NRXN2: variants seen among roughly 807,000 people sequenced by gnomAD.
The protein encoded by NRXN2 is neurexin 2.
A neutral mutation model predicts 128.8 loss-of-function variants in NRXN2; 29 were observed. The observed-to-expected ratio is 0.23, with a 90% CI of 0.17 to 0.31. The LOEUF (loss-of-function observed/expected upper bound fraction) is 0.31, where lower values mean the gene tolerates loss of function less well. NRXN2 is among the 10% of genes least tolerant of loss of function. NRXN2 has a pLI of 1.00. For missense variants in NRXN2, 1,881 were observed against 2,452.6 expected (o/e 0.77, Z 4.92); for synonymous variants, 1,098 against 1,075.2 (o/e 1.02, Z -0.41).
Position 64,686,098 on chromosome 11 carries a change from C to T in NRXN2, c.851-151G>A, listed in dbSNP as rs533270000. On this transcript the variant is annotated intron_variant, in intron 5 of 22. Coordinates refer to ENST00000265459, the MANE Select transcript of NRXN2 (RefSeq NM_015080.4). ...TAGCTTTAGGCCCCTTTCCCTCCCT[C>T]GGCCTGTCAACCATCCTCTCAGGAC... 1.1e-5 allele frequency: 9 copies of T among 797,424 alleles called. No individual in the cohort carries two copies. In the East Asian group the frequency reaches 2.4e-4, roughly 21 times the overall value. The allele number at this position is 797,424 out of a possible 1,614,324, so 49.4% of individuals were successfully genotyped here.
intron 19 of NRXN2, among the ~76,000 whole-genome samples, chr11:64,626,756 G>T (rs888566565): frequency 1.3e-5 from 2 of 152,158 alleles, no homozygotes; most frequent in African/African-American, 4.8e-5. Flanking sequence ...CACCCTGGGG[G>T]CAGGAGCAAC....
At chr11:64,655,115 C>T (rs2048062211) in intron 11 of NRXN2, among the ~76,000 whole-genome samples, 1 of 152,220 alleles carries the variant, frequency 6.6e-6, no homozygotes, top group African/African-American at 2.4e-5. Flanking sequence ...CAGCTGCATC[C>T]CCTGGGCCCC....
chr11:64,711,258 C>T (rs1277572917), intron 2 of NRXN2, among the ~76,000 whole-genome samples: 1 of 152,234 alleles, frequency 6.6e-6, no homozygotes, highest in Non-Finnish European at 1.5e-5. Context: ...TCAAAAGCCT[C>T]TGACTCTGGG....
chr11:64,641,891 A>G (rs898495505), intron 17 of NRXN2, among the ~76,000 whole-genome samples: 7 of 152,036 alleles, frequency 4.6e-5, no homozygotes, highest in African/African-American at 1.5e-4. Flanking sequence ...TAGGGGAACA[A>G]GGATGGGAGA....
rs1406485414 is a variant in NRXN2 at position 64,714,826 on chromosome 11, T to C, written c.-244-883A>G. Among the ~76,000 whole-genome samples, 1 of 152,014 alleles carries C rather than the reference T, an allele frequency of 6.6e-6. No individual in the cohort carries two copies. Among genetic ancestry groups the C allele is most frequent in the Non-Finnish European group, 1.5e-5 (1 of 68,000 alleles). On this transcript the variant is annotated intron_variant, in intron 1 of 22. Coordinates refer to ENST00000265459, the MANE Select transcript of NRXN2 (RefSeq NM_015080.4). The surrounding 1 kb of genome is among the most constrained non-coding windows in gnomAD (Gnocchi z 4.5). The stretch of plus-strand genomic sequence containing the variant: ...ATTGCCTTTCTGAAATGATTACCCT[T>C]GTAACGGGCTGTCAGAGAGCAATTT...
chr11:64,713,809 C>T lies in NRXN2; in HGVS notation c.-110G>A, dbSNP rs2057184594. On this transcript the variant is annotated 5_prime_UTR_variant, in exon 2 of 23. Coordinates refer to ENST00000265459, the MANE Select transcript of NRXN2 (RefSeq NM_015080.4). ...GCGCTCCCCGCGCTGAGCGGGGCTC[C>T]CTTGCAGGCTCACAGTGCCATGGGC... 1 of 592,472 alleles carries T rather than the reference C, an allele frequency of 1.7e-6. No individual in the cohort carries two copies. Among genetic ancestry groups the T allele is most frequent in the Non-Finnish European group, 2.1e-6 (1 of 467,118 alleles). 36.7% of individuals were successfully genotyped at this position (592,472 alleles called of 1,614,324 possible).
At chr11:64,702,773 C>T (rs1242443003) in intron 2 of NRXN2, among the ~76,000 whole-genome samples, 57 of 133,798 alleles carry the variant, frequency 4.3e-4, no homozygotes, top group Middle Eastern at 8.1e-3. Flanking sequence ...TCCCCCTCTG[C>T]GAGAAACACC....
chr11:64,704,623 C>CACACAGAGGGAGAGAGAG (rs1336665936), intron 2 of NRXN2, among the ~76,000 whole-genome samples: 1 of 81,178 alleles, frequency 1.2e-5, no homozygotes, highest in African/African-American at 4.7e-5. Flanking sequence ...CACACACACA[C>CACACAGAGGGAGAGAGAG]AGAGAGAGAG....
At chr11:64,674,504 G>T (rs1460387966) in intron 7 of NRXN2, among the ~76,000 whole-genome samples, 2 of 152,058 alleles carry the variant, frequency 1.3e-5, no homozygotes, top group African/African-American at 4.8e-5. Context: ...TTCTTAACCA[G>T]CTTAACCACC....
At chr11:64,643,410 G>T in intron 17 of NRXN2, 1 of 250,720 alleles carries the variant, frequency 4.0e-6, no homozygotes, top group Non-Finnish European at 6.0e-6. Context: ...GGTGAGGGGG[G>T]AATGAAGGGA....
intron 8 of NRXN2, 150 bp downstream of exon 8, chr11:64,668,293 G>A (rs896283498): frequency 1.1e-6 from 1 of 949,376 alleles, no homozygotes; most frequent in African/African-American, 1.6e-5. Context: ...GGAGTCAGTG[G>A]GCCTTAGGTT....
chr11:64,662,552 C>T (rs1028446833), intron 9 of NRXN2, among the ~76,000 whole-genome samples: 3 of 152,108 alleles, frequency 2.0e-5, no homozygotes, highest in East Asian at 1.9e-4. Flanking sequence ...GAGGCCGAGG[C>T]GGGTGGATCA....
chr11:64,660,292 G>C lies in NRXN2; in HGVS notation c.2389+40C>G, dbSNP rs752608322. 3 of 1,601,576 alleles carry C rather than the reference G, an allele frequency of 1.9e-6. No individual in the cohort carries two copies. In the South Asian group the frequency reaches 3.3e-5, roughly 18 times the overall value. ...GAGGCAGGTGTGGGTCAGAGACAAG[G>C]CCAGGTGAGGGGTCAGGAAGCACAG... On this transcript the variant is annotated intron_variant, in intron 11 of 22. Transcript: ENST00000265459. The surrounding 1 kb of genome is among the most constrained non-coding windows in gnomAD (Gnocchi z 5.2).
rs767767406 is a variant in NRXN2, at chr11:64,667,627, G to A, written c.1421C>T (p.Pro474Leu). ...ELSRLAKEGD[P>L]KMKLQGDLSF... ...CAAGTCCCCCTGCAGCTTCATCTTG[G>A]GGTCCCCTTCCTTTGCCAGGCGGGA... is the stretch of plus-strand genomic sequence containing the variant. Residue 474 changes from proline (P) to leucine (L), a missense_variant, in exon 9 of 23, where the codon CCC (proline) becomes CTC (leucine). By Grantham distance (98) the Pro-to-Leu change is moderately conservative (BLOSUM62 -3). This residue lies in a region of NRXN2 where 997 missense variants were observed against 1,240.8 expected (regional missense o/e 0.80). Coordinates refer to ENST00000265459, the MANE Select transcript of NRXN2 (RefSeq NM_015080.4). This position sits in a 1 kb window ranked among gnomAD's most constrained non-coding sequence, Gnocchi z 5.6. 33 of 1,614,084 alleles carry A rather than the reference G, an allele frequency of 2.0e-5. No individual in the cohort carries two copies. The highest frequency in any genetic ancestry group is 1.7e-6 in the Non-Finnish European group (2 of 1,180,036).
chr11:64,621,988 G>C (rs1334616036), intron 21 of NRXN2, among the ~76,000 whole-genome samples: 5 of 152,016 alleles, frequency 3.3e-5, no homozygotes, highest in African/African-American at 1.2e-4. Context: ...GTGCTTCAAG[G>C]CCCCTCCTCC....
intron 22 of NRXN2, 33 bp downstream of exon 22, chr11:64,620,261 A>C (rs2135317097): frequency 6.6e-7 from 1 of 1,504,796 alleles, no homozygotes; most frequent in African/African-American, 1.4e-5. Flanking sequence ...TCGCAGAGGG[A>C]CCCGGGGCAG....
At chr11:64,678,214 A>G (rs539551447) in intron 6 of NRXN2, among the ~76,000 whole-genome samples, 208 of 152,132 alleles carry the variant, frequency 1.4e-3, no homozygotes, top group African/African-American at 4.9e-3. Flanking sequence ...CTCACACATT[A>G]TATCAAATTA....
At position 64,714,255 on chromosome 11, in the gene NRXN2, C is replaced by T. The variant is rs563461159; in HGVS notation, c.-244-312G>A. On this transcript the variant is annotated intron_variant, in intron 1 of 22. Transcript: ENST00000265459. The surrounding 1 kb of genome is among the most constrained non-coding windows in gnomAD (Gnocchi z 4.5). ...TCACCCTCTCAAAGGACCCCAGTGT[C>T]AGGAAGGACCAAGGCCAGCTCCTTG... Among the ~76,000 whole-genome samples the T allele has an allele frequency of 1.3e-5, 2 of 152,184 alleles. No individual in the cohort carries two copies. The highest frequency in any genetic ancestry group is 1.9e-4 in the East Asian group (1 of 5,158).
intron 22 of NRXN2, among the ~76,000 whole-genome samples, chr11:64,615,330 C>A (rs1304691929): frequency 6.6e-6 from 1 of 152,256 alleles, no homozygotes. Context: ...TTATAACTTA[C>A]ATGAATGAGA....
Sources: gnomAD v4.1 joint callset for allele counts (sites outside exome capture counted in the v4.1 genomes callset) on GRCh38, gnomAD v4.1.1 for gene constraint, gnomAD v4.1.1 regional missense constraint, Gnocchi (gnomAD v3.1) non-coding constraint, MANE v1.5 for transcripts, NCBI Gene and HGNC (gene_info 2026-07-23, HGNC 2026-07-21) for gene names.